The following PCDHGA10 variants were observed in gnomAD, a reference collection of about 807,000 sequenced individuals.
The protein encoded by PCDHGA10 is protocadherin gamma subfamily A, 10, also known as protocadherin gamma-A10.
A neutral mutation model predicts 59.5 loss-of-function variants in PCDHGA10; 42 were observed. The observed-to-expected ratio is 0.71, with a 90% CI of 0.55 to 0.91. The LOEUF is 0.91. PCDHGA10 is among the 40% of genes least tolerant of loss of function. The pLI is 0.00. For synonymous variants in PCDHGA10, 511 were observed against 517.2 expected (o/e 0.99, Z 0.16); for missense variants, 1,111 against 1,198.2 (o/e 0.93, Z 1.07).
intron 2 of PCDHGA10, among the ~76,000 whole-genome samples, chr5:141,501,212 A>G (rs936235563): frequency 1.9e-4 from 29 of 150,770 alleles, no homozygotes; most frequent in Admixed American, 1.8e-3. Flanking sequence ...TGTCAGGGTG[A>G]CTTCCTAGAT....
In PCDHGA10 at chr5:141,431,321, G is replaced by A. The variant is rs112186927; in HGVS notation, c.2436+15710G>A. The A allele has an allele frequency of 1.2e-6, 2 of 1,613,938 alleles. No individual in the cohort carries two copies. The highest frequency in any genetic ancestry group is 1.3e-5 in the African/African-American group (1 of 74,910). ...CCTCATCGTGCAAAATGGAGCCGAC[G>A]GTAGTAAGTACCCCGAATTGGTGCT... is the stretch of plus-strand genomic sequence containing the variant. On this transcript the variant is annotated intron_variant, in intron 1 of 3. Transcript: ENST00000398610. The surrounding 1 kb of genome is among the most constrained non-coding windows in gnomAD (Gnocchi z 4.8).
chr5:141,483,509 C>A (rs2099582178), intron 1 of PCDHGA10, among the ~76,000 whole-genome samples: 1 of 147,450 alleles, frequency 6.8e-6, no homozygotes, highest in African/African-American at 2.5e-5. Flanking sequence ...AGGCTGATCC[C>A]CCTAGATCCT....
intron 1 of PCDHGA10, among the ~76,000 whole-genome samples, chr5:141,480,187 T>TGAGGCCAGCAGTTC (rs2099513839): frequency 6.6e-6 from 1 of 151,380 alleles, no homozygotes; most frequent in Admixed American, 6.6e-5. Context: ...GCGGATTGCT[T>TGAGGCCAGCAGTTC]GAGGCCAGCA....
Position 141,485,395 on chromosome 5 carries a change from C to T in PCDHGA10, c.2437-9412C>T. On this transcript the variant is annotated intron_variant, in intron 1 of 3. Coordinates refer to ENST00000398610, the MANE Select transcript of PCDHGA10 (RefSeq NM_018913.3). The surrounding 1 kb of genome is among the most constrained non-coding windows in gnomAD (Gnocchi z 5.7). Reference sequence around the variant, plus strand: ...TCGCTGGAGAGGTGAACCAAAGACACTTCCGTGTGGATTTGGACAGCGGAG... The same window carrying T: ...TCGCTGGAGAGGTGAACCAAAGACATTTCCGTGTGGATTTGGACAGCGGAG... 5 of 1,614,154 alleles carry T rather than the reference C, an allele frequency of 3.1e-6. No homozygotes were observed. Among genetic ancestry groups the T allele is most frequent in the Non-Finnish European group, 3.4e-6 (4 of 1,180,026 alleles).
chr5:141,509,684 C>G (rs572295300), intron 3 of PCDHGA10, among the ~76,000 whole-genome samples: 139 of 152,310 alleles, frequency 9.1e-4, no homozygotes, highest in Admixed American at 3.7e-3. Flanking sequence ...TTCTTCTGTA[C>G]AGTGGGACGT....
In PCDHGA10 at chr5:141,487,000, G is replaced by A. The variant is rs1410493699; in HGVS notation, c.2437-7807G>A. On this transcript the variant is annotated intron_variant, in intron 1 of 3. Transcript: ENST00000398610. The surrounding 1 kb of genome is among the most constrained non-coding windows in gnomAD (Gnocchi z 5.0). ...GTTACAATGCTTGGGTTTCCTATCA[G>A]CTCCTGGAGGCCCCAGATCCCAGCC... The A allele has an allele frequency of 6.2e-7, 1 of 1,614,194 alleles. No homozygotes were observed. The highest frequency in any genetic ancestry group is 8.5e-7 in the Non-Finnish European group (1 of 1,180,036).
chr5:141,417,699 C>G, intron 1 of PCDHGA10: 1 of 1,164,548 alleles, frequency 8.6e-7, no homozygotes. Context: ...AACCAGCTCC[C>G]ACACAGAGGC....
chr5:141,478,095 C>T, intron 1 of PCDHGA10: 5 of 1,614,100 alleles, frequency 3.1e-6, no homozygotes, highest in Non-Finnish European at 4.2e-6. Context: ...TCCACCACTG[C>T]TACCCTCACT....
intron 1 of PCDHGA10, among the ~76,000 whole-genome samples, chr5:141,456,729 C>T (rs1337183677): frequency 6.6e-6 from 1 of 152,158 alleles, no homozygotes; most frequent in Non-Finnish European, 1.5e-5. Context: ...CTTTGGGAGG[C>T]TGAGGCGGGA....
intron 1 of PCDHGA10, chr5:141,415,814 T>G: frequency 7.5e-7 from 1 of 1,330,430 alleles, no homozygotes; most frequent in South Asian, 1.8e-5. Flanking sequence ...AAGGCCTATA[T>G]ATCATAAGGC....
intron 3 of PCDHGA10, among the ~76,000 whole-genome samples, chr5:141,508,742 C>A (rs955179947): frequency 2.0e-5 from 3 of 151,998 alleles, no homozygotes; most frequent in Admixed American, 6.6e-5. Context: ...CCCCCCACCC[C>A]GCTCTTTCTC....
At chr5:141,433,849 A>AC (rs1304649814) in intron 1 of PCDHGA10, among the ~76,000 whole-genome samples, 10 of 152,030 alleles carry the variant, frequency 6.6e-5, no homozygotes, top group Admixed American at 1.3e-4. Flanking sequence ...AAAAAAAAAA[A>AC]AAAAAACTTT....
At position 141,413,580 on chromosome 5, in the gene PCDHGA10, A is replaced by G. The variant is rs1216926250; in HGVS notation, c.405A>G (p.Pro135=). 5.0e-6 allele frequency: 8 copies of G among 1,613,804 alleles called. No individual in the cohort carries two copies. Among genetic ancestry groups the G allele is most frequent in the Non-Finnish European group, 1.7e-6 (2 of 1,179,906 alleles). Residue 135 remains proline (P), a synonymous_variant, in exon 1 of 4, where the codon CCA becomes CCG. Coordinates refer to ENST00000398610, the MANE Select transcript of PCDHGA10 (RefSeq NM_018913.3). ...TAACTGATATCAATGACAATGCTCC[A>G]AAATTCCAAGCAGAAAATCTAGACG... The part of the protein sequence containing the change: ...IEVTDINDNA[P]KFQAENLDVK...
intron 1 of PCDHGA10, among the ~76,000 whole-genome samples, chr5:141,460,478 A>G (rs989135238): frequency 6.6e-5 from 10 of 152,136 alleles, no homozygotes; most frequent in African/African-American, 2.4e-4. Context: ...GGAATATCCA[A>G]TTGTCTCTTT....
In PCDHGA10 at chr5:141,445,206, A is replaced by G. The variant is rs1244524491; in HGVS notation, c.2436+29595A>G. On this transcript the variant is annotated intron_variant, in intron 1 of 3. Transcript: ENST00000398610. ...TTTTTATGTATTCTATATGCTTTTGAAAAGTAAGAGGTGCAAAGTGCTCTA... is the reference window on the plus strand; with the variant it reads ...TTTTTATGTATTCTATATGCTTTTGGAAAGTAAGAGGTGCAAAGTGCTCTA... 3.3e-5 allele frequency among the ~76,000 whole-genome samples: 5 copies of G among 152,182 alleles called. No individual in the cohort carries two copies. The East Asian group carries it at 7.7e-4, about 23-fold the overall frequency.
Position 141,486,616 on chromosome 5 carries a change from C to A in PCDHGA10, c.2437-8191C>A. On this transcript the variant is annotated intron_variant, in intron 1 of 3. Transcript: ENST00000398610. The surrounding 1 kb of genome is among the most constrained non-coding windows in gnomAD (Gnocchi z 5.0). ...TGCTTTGCTCCCTTGCAGCCTCTGACCCAGACTCTGGCTTGAATGCGCTTA... is the reference window on the plus strand; with the variant it reads ...TGCTTTGCTCCCTTGCAGCCTCTGAACCAGACTCTGGCTTGAATGCGCTTA... The A allele has an allele frequency of 6.2e-7, 1 of 1,613,618 alleles. No individual in the cohort carries two copies. Among genetic ancestry groups the A allele is most frequent in the Non-Finnish European group, 8.5e-7 (1 of 1,180,022 alleles).
In PCDHGA10 at chr5:141,491,928, G is replaced by T; in HGVS notation, c.2437-2879G>T. 1 of 1,301,482 alleles carries T rather than the reference G, an allele frequency of 7.7e-7. No homozygotes were observed. Among genetic ancestry groups the T allele is most frequent in the South Asian group, 1.6e-5 (1 of 63,466 alleles). 80.6% of individuals were successfully genotyped at this position (1,301,482 alleles called of 1,614,324 possible). A position where few individuals can be genotyped will look rare whatever the true frequency, so the allele number is the denominator to read the frequency against. On this transcript the variant is annotated intron_variant, in intron 1 of 3. Coordinates refer to ENST00000398610, the MANE Select transcript of PCDHGA10 (RefSeq NM_018913.3). The surrounding 1 kb of genome is among the most constrained non-coding windows in gnomAD (Gnocchi z 6.9). ...TGGTGGCGACTGTGGGCGAGGGGAG[G>T]TGGGACCGACCCCCACCCCTACACT... is the stretch of plus-strand genomic sequence containing the variant.
intron 1 of PCDHGA10, among the ~76,000 whole-genome samples, chr5:141,426,008 T>G (rs2096909040): frequency 6.6e-6 from 1 of 152,224 alleles, no homozygotes; most frequent in South Asian, 2.1e-4. Context: ...GGCTTCCGGC[T>G]GCAGTTTTCT....
At chr5:141,418,806 C>A in intron 1 of PCDHGA10, 1 of 1,613,696 alleles carries the variant, frequency 6.2e-7, no homozygotes, top group Non-Finnish European at 8.5e-7. Context: ...GAAAGATATA[C>A]GATAAACATA....
Sources: gnomAD v4.1 joint callset for allele counts (sites outside exome capture counted in the v4.1 genomes callset) on GRCh38, gnomAD v4.1.1 for gene constraint, Gnocchi (gnomAD v3.1) non-coding constraint, MANE v1.5 for transcripts, NCBI Gene and HGNC (gene_info 2026-07-23, HGNC 2026-07-21) for gene names.